The following RASGEF1C variants were observed in gnomAD, a reference collection of about 807,000 sequenced individuals.
RASGEF1C encodes ras-GEF domain-containing family member 1C.
A neutral mutation model predicts 58.1 loss-of-function variants in RASGEF1C; 27 were observed. That is an observed-to-expected ratio of 0.46 (90% CI 0.34 to 0.64). The LOEUF (loss-of-function observed/expected upper bound fraction) is 0.64, where lower values mean the gene tolerates loss of function less well. Ranked by LOEUF, RASGEF1C falls within the 30% of genes least tolerant of loss-of-function variation. The pLI is 0.01. For synonymous variants in RASGEF1C, 243 were observed against 246.3 expected (o/e 0.99, Z 0.13); for missense variants, 502 against 605.1 (o/e 0.83, Z 1.79).
chr5:180,206,978 A>G (rs1451215931), intron 1 of RASGEF1C, among the ~76,000 whole-genome samples: 1 of 152,250 alleles, frequency 6.6e-6, no homozygotes, highest in Non-Finnish European at 1.5e-5. Flanking sequence ...GAGACCTTTA[A>G]GGATAGCTTT....
At chr5:180,200,307 A>ATTT (rs1402514785) in intron 1 of RASGEF1C, among the ~76,000 whole-genome samples, 11 of 24,858 alleles carry the variant, frequency 4.4e-4, no homozygotes, top group African/African-American at 1.0e-3. Flanking sequence ...AGAGTACATC[A>ATTT]TTCTTTTTTT....
chr5:180,109,796 G>C (rs1441115636), intron 12 of RASGEF1C, among the ~76,000 whole-genome samples: 1 of 152,200 alleles, frequency 6.6e-6, no homozygotes, highest in Non-Finnish European at 1.5e-5. Context: ...GAAAAGGCCA[G>C]GAAATAGATT....
chr5:180,166,241 A>G (rs1767019445), intron 1 of RASGEF1C, among the ~76,000 whole-genome samples: 1 of 152,156 alleles, frequency 6.6e-6, no homozygotes, highest in Non-Finnish European at 1.5e-5. Flanking sequence ...ATACATTGAA[A>G]ATGCCATCTG....
intron 1 of RASGEF1C, among the ~76,000 whole-genome samples, chr5:180,166,168 C>T (rs1767018399): frequency 6.6e-6 from 1 of 152,184 alleles, no homozygotes; most frequent in East Asian, 1.9e-4. Context: ...CAAGTGGAAT[C>T]TAGAAACTTG....
At chr5:180,181,221 A>T (rs1291512470) in intron 1 of RASGEF1C, among the ~76,000 whole-genome samples, 1 of 152,246 alleles carries the variant, frequency 6.6e-6, no homozygotes, top group African/African-American at 2.4e-5. Flanking sequence ...AATGGCAGCT[A>T]CCAGGTAAAC....
chr5:180,117,201 AGT>A (rs1766084206), intron 10 of RASGEF1C, among the ~76,000 whole-genome samples: 2 of 152,210 alleles, frequency 1.3e-5, no homozygotes, highest in African/African-American at 4.8e-5. Context: ...TGGGACCCAG[AGT>A]CACTGACACA....
intron 1 of RASGEF1C, among the ~76,000 whole-genome samples, chr5:180,162,093 A>G (rs1397785929): frequency 6.6e-6 from 1 of 152,228 alleles, no homozygotes; most frequent in African/African-American, 2.4e-5. Flanking sequence ...TCCCCCACGG[A>G]GCTAGCAAGC....
intron 1 of RASGEF1C, among the ~76,000 whole-genome samples, chr5:180,157,959 G>A (rs1223759458): frequency 2.0e-5 from 3 of 152,188 alleles, no homozygotes; most frequent in Admixed American, 2.0e-4. Context: ...TATGCACTCT[G>A]GGTAATAATG....
In RASGEF1C at chr5:180,102,157, G is replaced by C; in HGVS notation, c.1304-14C>G. 1 of 1,486,524 alleles carries C rather than the reference G, an allele frequency of 6.7e-7. No homozygotes were observed. The highest frequency in any genetic ancestry group is 9.4e-7 in the Non-Finnish European group (1 of 1,064,684). The allele number at this position is 1,486,524 out of a possible 1,614,324, so 92.1% of individuals were successfully genotyped here. A position where few individuals can be genotyped will look rare whatever the true frequency, so the allele number is the denominator to read the frequency against. ...CCAAATAAAGACCTAGACAGAAAAT[G>C]AAGTGAAATTTCACAATTATGGTTG... is the stretch of plus-strand genomic sequence containing the variant. On this transcript the variant is annotated splice_polypyrimidine_tract_variant and intron_variant, in intron 12 of 13. Coordinates refer to ENST00000361132, the MANE Select transcript of RASGEF1C (RefSeq NM_175062.4).
rs531130755 is a variant in RASGEF1C at position 180,125,730 on chromosome 5, C to T, written c.714+1879G>A. Among the ~76,000 whole-genome samples the T allele has an allele frequency of 1.3e-4, 20 of 151,380 alleles. No individual in the cohort carries two copies. In the South Asian group the frequency reaches 1.7e-3, roughly 13 times the overall value. ...CCGGGAGGTGGAGGTTGCAATGAGCCGAGATCGCACCACTGCACTCCAGCC... is the reference window on the plus strand; with the variant it reads ...CCGGGAGGTGGAGGTTGCAATGAGCTGAGATCGCACCACTGCACTCCAGCC... On this transcript the variant is annotated intron_variant, in intron 6 of 13. Transcript: ENST00000361132.
chr5:180,120,369 T>C (rs1395724911), intron 7 of RASGEF1C, among the ~76,000 whole-genome samples: 1 of 152,172 alleles, frequency 6.6e-6, no homozygotes. Flanking sequence ...CTCTCTACTC[T>C]TCTCCGCAGG....
intron 6 of RASGEF1C, among the ~76,000 whole-genome samples, chr5:180,125,089 C>T (rs957362202): frequency 6.6e-6 from 1 of 151,988 alleles, no homozygotes; most frequent in African/African-American, 2.4e-5. Flanking sequence ...GCTGTGTTCA[C>T]ATCACTGTAC....
chr5:180,107,057 C>T (rs1765884021), intron 12 of RASGEF1C, among the ~76,000 whole-genome samples: 1 of 152,084 alleles, frequency 6.6e-6, no homozygotes. Flanking sequence ...CTAAAGTGTG[C>T]TTTATCTGAA....
At position 180,163,188 on chromosome 5, in the gene RASGEF1C, G is replaced by A. The variant is rs906214063; in HGVS notation, c.-6-25130C>T. 5.0e-5 allele frequency among the ~76,000 whole-genome samples: 7 copies of A among 140,796 alleles called. No individual in the cohort carries two copies. In the Admixed American group the frequency reaches 5.1e-4, roughly 10 times the overall value. The allele number at this position is 140,796 out of a possible 152,430, so 92.4% of individuals were successfully genotyped here. ...CTGTAAACAGACAGTTTTAGTTCTT[G>A]CCTTCCAATCTGTAGGCTTCCCTTC... On this transcript the variant is annotated intron_variant, in intron 1 of 13. Transcript: ENST00000361132.
intron 4 of RASGEF1C, among the ~76,000 whole-genome samples, chr5:180,130,729 C>T (rs1006673818): frequency 5.3e-5 from 8 of 152,170 alleles, no homozygotes; most frequent in African/African-American, 1.4e-4. Context: ...TGCTGGGGTT[C>T]GGGGTTCTTC....
chr5:180,176,388 C>T (rs1015743645), intron 1 of RASGEF1C, among the ~76,000 whole-genome samples: 28 of 152,322 alleles, frequency 1.8e-4, no homozygotes, highest in African/African-American at 6.5e-4. Context: ...ACCACAATAA[C>T]GACTTCTGGC....
intron 12 of RASGEF1C, 42 bp from the exon 13 acceptor site, chr5:180,102,185 GATA>G: frequency 8.4e-7 from 1 of 1,183,978 alleles, no homozygotes; most frequent in South Asian, 1.2e-5. Flanking sequence ...TATGGTTGAT[GATA>G]ATAACCTGTT....
intron 1 of RASGEF1C, among the ~76,000 whole-genome samples, chr5:180,152,375 A>G (rs1201243435): frequency 1.3e-5 from 2 of 152,146 alleles, no homozygotes; most frequent in Non-Finnish European, 2.9e-5. Flanking sequence ...ATGGAATACT[A>G]TGCAGCCATA....
At chr5:180,207,627 C>CTCACCTGTCCGTCTG (rs373908666) in intron 1 of RASGEF1C, among the ~76,000 whole-genome samples, 1 of 30,082 alleles carries the variant, frequency 3.3e-5, no homozygotes, top group African/African-American at 8.2e-5. Flanking sequence ...CCGTCCCTCT[C>CTCACCTGTCCGTCTG]TCGCCTGCCC....
Sources: allele counts gnomAD v4.1 joint callset (sites outside exome capture counted in the v4.1 genomes callset), GRCh38; gene constraint gnomAD v4.1.1; transcripts MANE v1.5; gene names NCBI Gene and HGNC (gene_info 2026-07-23, HGNC 2026-07-21).